The following LRRC4C variants were observed in gnomAD, a reference collection of about 807,000 sequenced individuals.
LRRC4C encodes leucine rich repeat containing 4C.
Under a neutral mutation model 33.6 loss-of-function variants are expected in LRRC4C, and 5 were observed. The observed-to-expected ratio is 0.15, with a 90% CI of 0.08 to 0.31. The LOEUF is 0.31. Among genes scored for constraint, LRRC4C ranks in the 10% least tolerant of loss-of-function variants. The pLI is 1.00. For synonymous variants in LRRC4C, 329 were observed against 302.0 expected, an observed-to-expected ratio of 1.09 and a Z score of -0.93; for missense variants, 560 against 796.7, an observed-to-expected ratio of 0.70 and a Z score of 3.58.
At chr11:40,654,758 G>A (rs904579148) in intron 2 of LRRC4C, among the ~76,000 whole-genome samples, 1 of 152,086 alleles carries the variant, frequency 6.6e-6, no homozygotes, top group African/African-American at 2.4e-5. Context: ...GGTCAGGAGG[G>A]AGTGATATTG....
At chr11:41,454,132 T>C (rs1206256004) in intron 1 of LRRC4C, among the ~76,000 whole-genome samples, 1 of 152,224 alleles carries the variant, frequency 6.6e-6, no homozygotes, top group East Asian at 1.9e-4. Flanking sequence ...GACTTTGCAG[T>C]ACCGAAATAC....
intron 2 of LRRC4C, among the ~76,000 whole-genome samples, chr11:40,852,959 A>G (rs1953587018): frequency 6.6e-6 from 1 of 152,232 alleles, no homozygotes; most frequent in African/African-American, 2.4e-5. Context: ...ATAAGAGCTG[A>G]TATGATCTAA....
At chr11:40,226,802 C>T (rs985962612) in intron 5 of LRRC4C, among the ~76,000 whole-genome samples, 2 of 152,084 alleles carry the variant, frequency 1.3e-5, no homozygotes, top group South Asian at 2.1e-4. Context: ...TAGTTTATAT[C>T]GCATATATAC....
intron 2 of LRRC4C, among the ~76,000 whole-genome samples, chr11:40,721,854 C>A (rs1192189131): frequency 1.3e-5 from 2 of 152,050 alleles, no homozygotes; most frequent in Admixed American, 1.3e-4. Flanking sequence ...GGCAGGAGAA[C>A]GGCGTGAACC....
intron 1 of LRRC4C, among the ~76,000 whole-genome samples, chr11:41,395,429 T>C (rs1417101062): frequency 6.6e-6 from 1 of 151,994 alleles, no homozygotes; most frequent in Non-Finnish European, 1.5e-5. Context: ...AGCTATTAAA[T>C]AGCAGCTGTG....
At chr11:40,986,299 C>T (rs1022390346) in intron 1 of LRRC4C, among the ~76,000 whole-genome samples, 1 of 152,030 alleles carries the variant, frequency 6.6e-6, no homozygotes, top group Non-Finnish European at 1.5e-5. Flanking sequence ...AAATCAAATA[C>T]AGAAAGGATT....
chr11:41,129,431 T>C (rs1942909790), intron 1 of LRRC4C, among the ~76,000 whole-genome samples: 1 of 152,060 alleles, frequency 6.6e-6, no homozygotes, highest in Admixed American at 6.6e-5. Context: ...TTTCTCTACA[T>C]TATTTTAGAA....
chr11:40,737,701 A>G (rs183076908), intron 2 of LRRC4C, among the ~76,000 whole-genome samples: 152 of 152,188 alleles, frequency 1.0e-3, no homozygotes, highest in African/African-American at 3.5e-3. Context: ...CTACAAACCA[A>G]TGCTCAAGGA....
chr11:40,869,195 G>T (rs1369721616), intron 2 of LRRC4C, among the ~76,000 whole-genome samples: 2 of 152,026 alleles, frequency 1.3e-5, no homozygotes, highest in African/African-American at 4.8e-5. Flanking sequence ...TTATGTTCCA[G>T]GAAATATAAA....
At chr11:40,285,110 AT>A (rs1764971462) in intron 4 of LRRC4C, among the ~76,000 whole-genome samples, 1 of 151,972 alleles carries the variant, frequency 6.6e-6, no homozygotes, top group Non-Finnish European at 1.5e-5. Context: ...TATAACATGT[AT>A]TTTTTTCCTT....
intron 6 of LRRC4C, among the ~76,000 whole-genome samples, chr11:40,121,530 T>C (rs1855825340): frequency 6.6e-6 from 1 of 152,364 alleles, no homozygotes; most frequent in East Asian, 1.9e-4. Flanking sequence ...TTTAAAAGTA[T>C]GCACTACCCA....
At chr11:40,574,309 G>T (rs1232896446) in intron 3 of LRRC4C, among the ~76,000 whole-genome samples, 1 of 152,176 alleles carries the variant, frequency 6.6e-6, no homozygotes, top group African/African-American at 2.4e-5. Context: ...GGACAATGAA[G>T]TCAGGGCCCA....
intron 4 of LRRC4C, among the ~76,000 whole-genome samples, chr11:40,306,849 T>C (rs1945056518): frequency 6.6e-6 from 1 of 152,140 alleles, no homozygotes; most frequent in South Asian, 2.1e-4. Flanking sequence ...TTTAATGATC[T>C]TGGGTAAGAT....
chr11:40,947,655 C>G (rs995818702), intron 1 of LRRC4C, among the ~76,000 whole-genome samples: 1 of 152,152 alleles, frequency 6.6e-6, no homozygotes, highest in Non-Finnish European at 1.5e-5. Flanking sequence ...TGAGAAGGAA[C>G]GTGTACAGAT....
chr11:40,199,885 G>T (rs1226334231), intron 5 of LRRC4C, among the ~76,000 whole-genome samples: 2 of 152,070 alleles, frequency 1.3e-5, no homozygotes, highest in Non-Finnish European at 2.9e-5. Context: ...ATCCTGCAAA[G>T]TAGGTGTTAT....
intron 3 of LRRC4C, among the ~76,000 whole-genome samples, chr11:40,368,823 T>A (rs74419097): frequency 0.021 from 3,185 of 152,258 alleles, 99 homozygotes; most frequent in African/African-American, 0.072. Context: ...AGATTTCAAA[T>A]GTGTTCTATC....
chr11:40,469,712 T>C (rs996056632), intron 3 of LRRC4C, among the ~76,000 whole-genome samples: 1 of 152,140 alleles, frequency 6.6e-6, no homozygotes, highest in African/African-American at 2.4e-5. Flanking sequence ...GTGTTCACCA[T>C]CACTGAGGCT....
chr11:40,916,139 C>T (rs1300661761), intron 2 of LRRC4C, among the ~76,000 whole-genome samples: 8 of 152,274 alleles, frequency 5.3e-5, no homozygotes, highest in East Asian at 1.9e-4. Context: ...GTCAGTGTAG[C>T]GATTCCTCAG....
intron 3 of LRRC4C, among the ~76,000 whole-genome samples, chr11:40,423,017 C>CTATT (rs1950574738): frequency 6.6e-6 from 1 of 152,092 alleles, no homozygotes; most frequent in African/African-American, 2.4e-5. Context: ...ATACGTTTTA[C>CTATT]TATTACCTAT....
Sources: allele counts gnomAD v4.1 joint callset (sites outside exome capture counted in the v4.1 genomes callset), GRCh38; gene constraint gnomAD v4.1.1; transcripts MANE v1.5; gene names NCBI Gene and HGNC (gene_info 2026-07-23, HGNC 2026-07-21).